ERCC1: variants seen among roughly 807,000 people sequenced by gnomAD.
ERCC1 encodes the protein ERCC excision repair 1, endonuclease non-catalytic subunit, also known as DNA excision repair protein ERCC-1.
ERCC1 carries 36 observed loss-of-function variants against 37.6 expected under a neutral mutation model. The ratio of observed to expected loss-of-function variants is 0.96; its 90% CI spans 0.73 to 1.26. The LOEUF is 1.26. Among genes scored for constraint, ERCC1 ranks in the 50% most tolerant of loss-of-function variants. ERCC1 has a pLI of 0.00. For synonymous variants in ERCC1, 156 were observed against 162.1 expected, an observed-to-expected ratio of 0.96 and a Z score of 0.28; for missense variants, 349 against 376.5, an observed-to-expected ratio of 0.93 and a Z score of 0.60.
chr19:45,423,942 G>C (rs1283296107), upstream of ERCC1: 3 of 1,094,424 alleles, frequency 2.7e-6, no homozygotes, highest in Non-Finnish European at 3.4e-6. Flanking sequence ...CGCTCCCCAG[G>C]AGAGTAGAGC....
intron 1 of ERCC1, among the ~76,000 whole-genome samples, chr19:45,440,945 C>A (rs1307368927): frequency 6.6e-6 from 1 of 152,154 alleles, no homozygotes; most frequent in Non-Finnish European, 1.5e-5. Context: ...CCTTGCCCGC[C>A]TTGTCCAGGC....
chr19:45,447,204 C>T (rs952860100), intron 1 of ERCC1, among the ~76,000 whole-genome samples: 3 of 151,794 alleles, frequency 2.0e-5, no homozygotes, highest in East Asian at 1.9e-4. Context: ...CGCATACACA[C>T]GGAAATGTGG....
At chr19:45,451,285 A>G (rs1036259439) in intron 1 of ERCC1, among the ~76,000 whole-genome samples, 1 of 151,952 alleles carries the variant, frequency 6.6e-6, no homozygotes, top group African/African-American at 2.4e-5. Context: ...CATCACAACC[A>G]AAATAGGGAC....
intron 1 of ERCC1, among the ~76,000 whole-genome samples, chr19:45,451,380 G>A (rs544561746): frequency 6.7e-6 from 1 of 150,174 alleles, no homozygotes; most frequent in East Asian, 2.1e-4. Context: ...CCCCACCAGG[G>A]GAGACAGACA....
intron 1 of ERCC1, among the ~76,000 whole-genome samples, chr19:45,435,807 G>A (rs11878927): frequency 6.6e-6 from 1 of 151,898 alleles, no homozygotes; most frequent in African/African-American, 2.4e-5. Flanking sequence ...GTCACCCAGG[G>A]TGGAGAGCAG....
At chr19:45,418,401 T>A (rs943933179) in intron 5 of ERCC1, among the ~76,000 whole-genome samples, 9 of 152,116 alleles carry the variant, frequency 5.9e-5, no homozygotes, top group African/African-American at 2.2e-4. Flanking sequence ...CATGGTGTCA[T>A]CCCAGTTGCT....
chr19:45,449,425 C>T (rs1967044653), intron 1 of ERCC1, among the ~76,000 whole-genome samples: 2 of 152,090 alleles, frequency 1.3e-5, no homozygotes. Context: ...GAGGCCAAGG[C>T]AGGAAGATTG....
Position 45,420,525 on chromosome 19 carries a change from C to T in ERCC1, c.322-98G>A, listed in dbSNP as rs926465777. On this transcript the variant is annotated intron_variant, in intron 3 of 9. Transcript: ENST00000300853. The surrounding 1 kb of genome is among the most constrained non-coding windows in gnomAD (Gnocchi z 4.8). The stretch of plus-strand genomic sequence containing the variant: ...TTCTTGCACCTCCTCCCTCCTCCCA[C>T]CTCTTCCCACACCTCCTGCCTCCTC... The T allele has an allele frequency of 1.2e-5, 9 of 757,904 alleles. No individual in the cohort carries two copies. In the Middle Eastern group the frequency reaches 6.7e-4, roughly 57 times the overall value. 46.9% of individuals were successfully genotyped at this position (757,904 alleles called of 1,614,324 possible).
At chr19:45,418,069 A>T (rs77980265) in intron 5 of ERCC1, among the ~76,000 whole-genome samples, 3 of 146,768 alleles carry the variant, frequency 2.0e-5, no homozygotes, top group Non-Finnish European at 4.5e-5. Context: ...TCTAAAAATT[A>T]AAAAAAAAAA....
chr19:45,412,571 C>G (rs944800578), intron 9 of ERCC1, among the ~76,000 whole-genome samples: 2 of 152,034 alleles, frequency 1.3e-5, no homozygotes, highest in African/African-American at 4.8e-5. Context: ...AATATTTTGC[C>G]CACTTTTTGA....
intron 1 of ERCC1, among the ~76,000 whole-genome samples, chr19:45,436,076 A>T (rs1044360146): frequency 3.3e-5 from 5 of 151,220 alleles, no homozygotes; most frequent in African/African-American, 4.9e-5. Context: ...TATTTTTTTT[A>T]AAACGGGAAA....
chr19:45,436,048 G>A (rs931389138), intron 1 of ERCC1, among the ~76,000 whole-genome samples: 2 of 152,038 alleles, frequency 1.3e-5, no homozygotes, highest in Non-Finnish European at 2.9e-5. Context: ...TTACAGACAT[G>A]AGCCACCGTG....
chr19:45,409,692 A>G lies in ERCC1; in HGVS notation c.877T>C (p.Phe293Leu). The change falls in exon 10 of 10, where the codon TTC (phenylalanine) becomes CTC (leucine). Residue 293 changes from phenylalanine to leucine, a missense_variant. Transcript: ENST00000300853. The part of the protein sequence containing the change: ...RRLFDVLHEP[F>L]LKVP ...TGGGGTCATCAGGGTACTTTCAAGA[A>G]GGGCTCGTGCAGGACATCAAACAGC... 9.7e-7 allele frequency: 1 copy of G among 1,033,958 alleles called. No homozygotes were observed. Among genetic ancestry groups the G allele is most frequent in the Non-Finnish European group, 1.5e-6 (1 of 650,322 alleles). The allele number at this position is 1,033,958 out of a possible 1,614,324, so 64.0% of individuals were successfully genotyped here.
chr19:45,409,281 T>C lies in ERCC1; in HGVS notation c.*394A>G, dbSNP rs1973539509. 14 of 1,613,226 alleles carry C rather than the reference T, an allele frequency of 8.7e-6. No individual in the cohort carries two copies. In the East Asian group the frequency reaches 3.1e-4, roughly 36 times the overall value. ...AGAGGTCACACAGTGACTGAGCCAA[T>C]TCAGCCACTAGAGCCTGAACTGCCA... is the stretch of plus-strand genomic sequence containing the variant. On this transcript the variant is annotated 3_prime_UTR_variant, in exon 10 of 10. Coordinates refer to ENST00000300853, the MANE Select transcript of ERCC1 (RefSeq NM_001983.4).
rs370350694 is a variant in ERCC1, at chr19:45,408,677, G to A, written c.*998C>T. On this transcript the variant is annotated 3_prime_UTR_variant, in exon 10 of 10. Transcript: ENST00000300853. Reference sequence around the variant, plus strand: ...GCCTGTGGGGACAGAGCCCACAGTGGAGACACTGGAGCCTCTGGGAGTGCT... The same window carrying A: ...GCCTGTGGGGACAGAGCCCACAGTGAAGACACTGGAGCCTCTGGGAGTGCT... 9.9e-6 allele frequency: 16 copies of A among 1,613,894 alleles called. No homozygotes were observed. Among genetic ancestry groups the A allele is most frequent in the Non-Finnish European group, 1.4e-5 (16 of 1,180,024 alleles).
chr19:45,448,681 T>G (rs757741353), intron 1 of ERCC1, among the ~76,000 whole-genome samples: 1 of 151,938 alleles, frequency 6.6e-6, no homozygotes, highest in Non-Finnish European at 1.5e-5. Context: ...GACCCCATCT[T>G]TATTTAAAAA....
intron 7 of ERCC1, 79 bp from the exon 8 acceptor site, chr19:45,414,113 C>T (rs555565820): frequency 4.5e-5 from 52 of 1,146,376 alleles, no homozygotes; most frequent in Non-Finnish European, 6.6e-5. Context: ...GGCTGGGTCA[C>T]AGCTGTGTCC....
intron 3 of ERCC1, among the ~76,000 whole-genome samples, 168 bp downstream of exon 3, chr19:45,421,010 C>T (rs1236026050): frequency 1.3e-5 from 2 of 152,160 alleles, no homozygotes; most frequent in African/African-American, 4.8e-5. Context: ...GCAAGTAGAG[C>T]TGGGGCACTC....
At chr19:45,446,320 C>T (rs12610945) in intron 1 of ERCC1, among the ~76,000 whole-genome samples, 36,607 of 151,862 alleles carry the variant, frequency 0.24, 4,632 homozygotes, top group Admixed American at 0.33. Context: ...GTGACTTGGA[C>T]TAGGAGGTAG....
Sources: gnomAD v4.1 joint callset for allele counts (sites outside exome capture counted in the v4.1 genomes callset) on GRCh38, gnomAD v4.1.1 for gene constraint, Gnocchi (gnomAD v3.1) non-coding constraint, MANE v1.5 for transcripts, NCBI Gene and HGNC (gene_info 2026-07-23, HGNC 2026-07-21) for gene names.